The following CFAP20DC variants were observed in gnomAD, a reference collection of about 807,000 sequenced individuals.
CFAP20DC encodes the protein protein CFAP20DC.
CFAP20DC carries 84 observed loss-of-function variants against 101.7 expected under a neutral mutation model. That is an observed-to-expected ratio of 0.83 (90% CI 0.69 to 0.99). The LOEUF (loss-of-function observed/expected upper bound fraction) is 0.99, where lower values mean the gene tolerates loss of function less well. Among genes scored for constraint, CFAP20DC ranks in the 50% least tolerant of loss-of-function variants. The pLI is 0.00. For synonymous variants in CFAP20DC, 359 were observed against 351.2 expected, an observed-to-expected ratio of 1.02 and a Z score of -0.25; for missense variants, 1,007 against 970.3, an observed-to-expected ratio of 1.04 and a Z score of -0.50.
At chr3:58,982,951 G>C (rs950233146) in intron 4 of CFAP20DC, among the ~76,000 whole-genome samples, 2 of 152,098 alleles carry the variant, frequency 1.3e-5, no homozygotes, top group Non-Finnish European at 2.9e-5. Context: ...AGTAAGGTAA[G>C]GAAATTTAGT....
Position 59,015,368 on chromosome 3 carries a change from T to C in CFAP20DC, c.278+24189A>G, listed in dbSNP as rs1424858126. The stretch of plus-strand genomic sequence containing the variant: ...GGAAAGGAAGAAGGAAAAGAAAAAT[T>C]AGGAAGAAGAAGAATAAAAGAAGTA... On this transcript the variant is annotated intron_variant, in intron 4 of 16. Transcript: ENST00000482387. This position sits in a 1 kb window ranked among gnomAD's most constrained non-coding sequence, Gnocchi z 5.4. 6.7e-6 allele frequency among the ~76,000 whole-genome samples: 1 copy of C among 150,364 alleles called. No homozygotes were observed. Among genetic ancestry groups the C allele is most frequent in the East Asian group, 2.0e-4 (1 of 5,100 alleles).
chr3:58,776,107 G>A lies in CFAP20DC; in HGVS notation c.2238-22244C>T, dbSNP rs9868735. On this transcript the variant is annotated intron_variant, in intron 15 of 16. Coordinates refer to ENST00000482387, the MANE Select transcript of CFAP20DC (RefSeq NM_001394063.1). ...GGGCAACTCATTTCATGTGGTTTGAGGGGCTAAGCCTCCCTTAACTCCCAA... is the reference window on the plus strand; with the variant it reads ...GGGCAACTCATTTCATGTGGTTTGAAGGGCTAAGCCTCCCTTAACTCCCAA... 3.1e-3 allele frequency among the ~76,000 whole-genome samples: 475 copies of A among 152,258 alleles called. 3 individuals are homozygous for A. The highest frequency in any genetic ancestry group is 0.011 in the African/African-American group (456 of 41,548).
intron 6 of CFAP20DC, among the ~76,000 whole-genome samples, chr3:58,901,496 G>A (rs1197745005): frequency 6.6e-6 from 1 of 152,162 alleles, no homozygotes; most frequent in Non-Finnish European, 1.5e-5. Flanking sequence ...AAGGGCTATT[G>A]TGATAATTAA....
At position 58,721,487 on chromosome 3, in the gene CFAP20DC, G is replaced by A. The variant is rs530472022; in HGVS notation, c.198-3859C>T. ...TCAGGGAAGTTTTCCACAAAGAAGCGATATTTAAGCTGAGATCTGAAGGAT... is the reference window on the plus strand; with the variant it reads ...TCAGGGAAGTTTTCCACAAAGAAGCAATATTTAAGCTGAGATCTGAAGGAT... On this transcript the variant is annotated intron_variant, in intron 3 of 3. Coordinates refer to the CFAP20DC transcript ENST00000486145. This position sits in a 1 kb window ranked among gnomAD's most constrained non-coding sequence, Gnocchi z 5.2. Among the ~76,000 whole-genome samples, 35 of 152,274 alleles carry A rather than the reference G, an allele frequency of 2.3e-4. No homozygotes were observed. In the South Asian group the frequency reaches 3.3e-3, roughly 14 times the overall value.
At chr3:58,968,797 G>A (rs2091763468) in intron 4 of CFAP20DC, among the ~76,000 whole-genome samples, 1 of 152,002 alleles carries the variant, frequency 6.6e-6, no homozygotes. Flanking sequence ...CTATATCCAG[G>A]ATAATATTGC....
rs2078006290 is a variant in CFAP20DC at position 58,849,238 on chromosome 3, G to C, written c.1765C>G (p.Gln589Glu). The change falls in exon 13 of 17, where the codon CAA (glutamine) becomes GAA (glutamate). Residue 589 changes from glutamine to glutamate, a missense_variant. Transcript: ENST00000482387. ...ATESQDSSMEQIDRNNFEMSL... is the reference protein window; with the variant it reads ...ATESQDSSMEEIDRNNFEMSL... Reference sequence around the variant, plus strand: ...ATTTCAAAGTTATTTCTATCTATTTGCTCCATCGAGGAATCCTGGCTTTCT... The same window carrying C: ...ATTTCAAAGTTATTTCTATCTATTTCCTCCATCGAGGAATCCTGGCTTTCT... 1 of 1,535,890 alleles carries C rather than the reference G, an allele frequency of 6.5e-7. No individual in the cohort carries two copies. The highest frequency in any genetic ancestry group is 1.2e-5 in the South Asian group (1 of 84,032).
intron 14 of CFAP20DC, among the ~76,000 whole-genome samples, chr3:58,810,213 A>G (rs1166659584): frequency 2.0e-5 from 3 of 151,832 alleles, no homozygotes; most frequent in Non-Finnish European, 2.9e-5. Context: ...TGAGGCCAGC[A>G]TCATCCTGAT....
intron 15 of CFAP20DC, among the ~76,000 whole-genome samples, chr3:58,779,617 T>C (rs1452433661): frequency 6.6e-6 from 1 of 152,036 alleles, no homozygotes; most frequent in Non-Finnish European, 1.5e-5. Context: ...GAAGAAAGAA[T>C]CTCAGAACTG....
At chr3:58,981,100 T>C (rs2092521242) in intron 4 of CFAP20DC, among the ~76,000 whole-genome samples, 1 of 152,106 alleles carries the variant, frequency 6.6e-6, no homozygotes, top group South Asian at 2.1e-4. Context: ...TGAACTCCCA[T>C]TCACAATTGC....
At chr3:59,025,212 C>A (rs976694929) in intron 4 of CFAP20DC, among the ~76,000 whole-genome samples, 1 of 152,176 alleles carries the variant, frequency 6.6e-6, no homozygotes, top group South Asian at 2.1e-4. Flanking sequence ...TAACTAGCAT[C>A]CATACCAAAA....
In CFAP20DC at chr3:58,856,318, C is replaced by G. The variant is rs1400913457; in HGVS notation, c.1594-6909G>C. ...CACACACACACACACACACACATAA[C>G]TGATGGAGATACTTATCTTTCAGTG... On this transcript the variant is annotated intron_variant, in intron 12 of 16. Coordinates refer to ENST00000482387, the MANE Select transcript of CFAP20DC (RefSeq NM_001394063.1). 3.0e-5 allele frequency among the ~76,000 whole-genome samples: 3 copies of G among 100,340 alleles called. No homozygotes were observed. In the South Asian group the frequency reaches 1.0e-3, roughly 35 times the overall value. 65.8% of individuals were successfully genotyped at this position (100,340 alleles called of 152,430 possible).
At position 58,897,417 on chromosome 3, in the gene CFAP20DC, C is replaced by T. The variant is rs2106983732; in HGVS notation, c.551-12708G>A. 6.6e-6 allele frequency among the ~76,000 whole-genome samples: 1 copy of T among 152,250 alleles called. No individual in the cohort carries two copies. Among genetic ancestry groups the T allele is most frequent in the African/African-American group, 2.4e-5 (1 of 41,552 alleles). On this transcript the variant is annotated intron_variant, in intron 6 of 16. Transcript: ENST00000482387. This position sits in a 1 kb window ranked among gnomAD's most constrained non-coding sequence, Gnocchi z 4.4. ...GAATTTGATCCTGTCAACATGATAG[C>T]TGGTTATTTTGCAGATTTGTTTATG...
intron 14 of CFAP20DC, among the ~76,000 whole-genome samples, chr3:58,826,466 C>T (rs1016228900): frequency 2.0e-5 from 3 of 152,120 alleles, no homozygotes; most frequent in Admixed American, 6.5e-5. Flanking sequence ...GCCCCCTACA[C>T]TCCGACGGGC....
intron 5 of CFAP20DC, among the ~76,000 whole-genome samples, chr3:58,935,999 G>C (rs1249902432): frequency 6.6e-6 from 1 of 151,878 alleles, no homozygotes; most frequent in Non-Finnish European, 1.5e-5. Context: ...CTACAAAATG[G>C]GAGAAAATTT....
intron 14 of CFAP20DC, among the ~76,000 whole-genome samples, chr3:58,811,198 A>G (rs2074597534): frequency 6.6e-6 from 1 of 152,120 alleles, no homozygotes. Context: ...GAATTGGAAA[A>G]AACTACTTTA....
rs1339773066 is a variant in CFAP20DC, at chr3:58,729,159, C to T, written c.198-11531G>A. ...CCAGAACCACTCAGTTAGAGCACTC[C>T]TGAATTTCTGACCTGTTTATTCTTA... On this transcript the variant is annotated intron_variant, in intron 3 of 3. Transcript: ENST00000486145. The surrounding 1 kb of genome is among the most constrained non-coding windows in gnomAD (Gnocchi z 4.4). 1.3e-5 allele frequency among the ~76,000 whole-genome samples: 2 copies of T among 152,160 alleles called. No individual in the cohort carries two copies. Among genetic ancestry groups the T allele is most frequent in the African/African-American group, 4.8e-5 (2 of 41,442 alleles).
intron 4 of CFAP20DC, chr3:59,017,868 C>G (rs1298007232): frequency 6.6e-6 from 1 of 152,116 alleles, no homozygotes; most frequent in East Asian, 1.9e-4. Context: ...TTGTTTCTCC[C>G]TTTCTGCCAT....
intron 13 of CFAP20DC, among the ~76,000 whole-genome samples, chr3:58,848,379 T>C (rs2077913813): frequency 1.3e-5 from 2 of 152,028 alleles, no homozygotes; most frequent in African/African-American, 4.8e-5. Context: ...ATAGAGAAAA[T>C]CTTAAATGTT....
Position 58,861,128 on chromosome 3 carries a change from G to C in CFAP20DC, c.1593+2430C>G, listed in dbSNP as rs2079213781. 1 of 156,070 alleles carries C rather than the reference G, an allele frequency of 6.4e-6. No homozygotes were observed. Among genetic ancestry groups the C allele is most frequent in the African/African-American group, 2.4e-5 (1 of 41,486 alleles). The allele number at this position is 156,070 out of a possible 1,614,324, so 9.7% of individuals were successfully genotyped here. A position where few individuals can be genotyped will look rare whatever the true frequency, so the allele number is the denominator to read the frequency against. ...CTAATTTTAATTAGCTTTTACTGTT[G>C]TATGGGTACTTGTCTTCTATCCTAA... On this transcript the variant is annotated intron_variant, in intron 12 of 16. Coordinates refer to ENST00000482387, the MANE Select transcript of CFAP20DC (RefSeq NM_001394063.1). This position sits in a 1 kb window ranked among gnomAD's most constrained non-coding sequence, Gnocchi z 4.0.
Sources: gnomAD v4.1 joint callset for allele counts (sites outside exome capture counted in the v4.1 genomes callset) on GRCh38, gnomAD v4.1.1 for gene constraint, Gnocchi (gnomAD v3.1) non-coding constraint, MANE v1.5 for transcripts, NCBI Gene and HGNC (gene_info 2026-07-23, HGNC 2026-07-21) for gene names.